Variants in WDCP observed in about 807,000 individuals in gnomAD.
WDCP encodes the protein WD repeat and coiled-coil-containing protein.
A neutral mutation model predicts 41.6 loss-of-function variants in WDCP; 19 were observed. The ratio of observed to expected loss-of-function variants is 0.46; its 90% CI spans 0.32 to 0.67. The LOEUF (loss-of-function observed/expected upper bound fraction) is 0.67, where lower values mean the gene tolerates loss of function less well. WDCP is among the 30% of genes least tolerant of loss of function. WDCP has a pLI of 0.04. For synonymous variants in WDCP, 302 were observed against 320.8 expected (o/e 0.94, Z 0.63); for missense variants, 802 against 850.7 (o/e 0.94, Z 0.71).
chr2:24,031,825 CAA>C (rs545558415), intron 3 of WDCP, among the ~76,000 whole-genome samples: 8 of 115,476 alleles, frequency 6.9e-5, no homozygotes, highest in Admixed American at 9.0e-5. Context: ...GACTCGGTCT[CAA>C]AAAAAAAAAA....
chr2:24,043,009 G>C (rs1663498262), intron 1 of WDCP, among the ~76,000 whole-genome samples: 1 of 147,996 alleles, frequency 6.8e-6, no homozygotes, highest in African/African-American at 2.5e-5. Context: ...CTCCAGCCTG[G>C]GCAAAAAGAG....
intron 2 of WDCP, among the ~76,000 whole-genome samples, chr2:24,036,095 A>AATAAATAAATAG (rs1663246648): frequency 6.7e-6 from 1 of 150,084 alleles, no homozygotes; most frequent in Non-Finnish European, 1.5e-5. Context: ...TAAATAAATA[A>AATAAATAAATAG]ATAAATAAAT....
chr2:24,044,725 T>C (rs1238157973), intron 1 of WDCP, among the ~76,000 whole-genome samples: 1 of 151,876 alleles, frequency 6.6e-6, no homozygotes, highest in Non-Finnish European at 1.5e-5. Context: ...TCTCCCTTTT[T>C]ATTAGGGTAA....
At chr2:24,045,147 AAAG>A (rs1287148291) in intron 1 of WDCP, among the ~76,000 whole-genome samples, 1 of 152,218 alleles carries the variant, frequency 6.6e-6, no homozygotes. Context: ...TTCAGTAGAG[AAAG>A]AAGGCCATAT....
chr2:24,045,600 CAAAAAAAAA>C (rs869243363), intron 1 of WDCP, among the ~76,000 whole-genome samples: 4 of 64,412 alleles, frequency 6.2e-5, no homozygotes, highest in African/African-American at 2.5e-4. Context: ...GACTCCATCT[CAAAAAAAAA>C]AAAAAAAAAA....
At chr2:24,044,310 C>G (rs1032856511) in intron 1 of WDCP, among the ~76,000 whole-genome samples, 2 of 151,996 alleles carry the variant, frequency 1.3e-5, no homozygotes, top group African/African-American at 4.8e-5. Flanking sequence ...TGCTCCGTTA[C>G]CCAGGCTGGA....
intron 1 of WDCP, among the ~76,000 whole-genome samples, chr2:24,042,723 T>A (rs1663486656): frequency 2.4e-5 from 3 of 122,452 alleles, no homozygotes; most frequent in African/African-American, 6.5e-5. Flanking sequence ...AAAAAAAAAA[T>A]TTAGTATAAA....
chr2:24,031,223 T>C, intron 3 of WDCP, 61 bp from the exon 4 acceptor site: 2 of 1,293,180 alleles, frequency 1.5e-6, no homozygotes, highest in Non-Finnish European at 2.2e-6. Flanking sequence ...ATGAAACATA[T>C]GACTACAAAT....
At chr2:24,039,768 A>G (rs1286698612) in intron 1 of WDCP, among the ~76,000 whole-genome samples, 2 of 152,120 alleles carry the variant, frequency 1.3e-5, no homozygotes, top group Admixed American at 6.6e-5. Context: ...TATGGAATGG[A>G]TATCAGAAAA....
chr2:24,037,708 TGAGA>T lies in WDCP; in HGVS notation c.1783_1786del (p.Ser595LysfsTer16). 1 of 1,613,632 alleles carries T rather than the reference TGAGA, an allele frequency of 6.2e-7. No homozygotes were observed. Among genetic ancestry groups the T allele is most frequent in the South Asian group, 1.1e-5 (1 of 91,034 alleles). On this transcript the variant is annotated frameshift_variant, in exon 2 of 4. Coordinates refer to ENST00000295148, the MANE Select transcript of WDCP (RefSeq NM_025203.3). LOFTEE classifies it high-confidence loss of function. ...AATGATGTGAACATAAGGAAGATCT[TGAGA>T]GAGTGGATACACTGAAGAGGATTTC...
intron 1 of WDCP, among the ~76,000 whole-genome samples, chr2:24,042,535 CA>C (rs35044474): frequency 0.055 from 3,402 of 61,568 alleles, 49 homozygotes; most frequent in Middle Eastern, 0.1. Context: ...TACTCCGTCT[CA>C]AAAAAAAAAA....
At position 24,037,876 on chromosome 2, in the gene WDCP, G is replaced by C. The variant is rs1424859817; in HGVS notation, c.1619C>G (p.Pro540Arg). The C allele has an allele frequency of 6.2e-7, 1 of 1,614,038 alleles. No individual in the cohort carries two copies. Among genetic ancestry groups the C allele is most frequent in the African/African-American group, 1.3e-5 (1 of 74,900 alleles). The change falls in exon 2 of 4, where the codon CCT becomes CGT. Residue 540 changes from proline (P) to arginine (R), a missense_variant. Pro to Arg is a moderately radical substitution (Grantham distance 103, BLOSUM62 -2). Around this residue, in one of 5 missense-constraint regions of WDCP, gnomAD observed 321 missense variants for 305.1 expected, o/e 1.05. Transcript: ENST00000295148. ...TPDHTSTLEP[P>R]RLPQRKNLQS... ...TAAGTTCTTTCTTTGAGGCAAACGA[G>C]GAGGCTCCAGTGTGCTGGTGTGGTC... is the stretch of plus-strand genomic sequence containing the variant.
chr2:24,045,631 G>A (rs1344107505), intron 1 of WDCP, among the ~76,000 whole-genome samples: 1 of 106,136 alleles, frequency 9.4e-6, no homozygotes, highest in Admixed American at 9.3e-5. Context: ...GAGAGAGAGA[G>A]AGGAAGGAAG....
At position 24,032,878 on chromosome 2, in the gene WDCP, G is replaced by A. The variant is rs1663137334; in HGVS notation, c.1887C>T (p.Leu629=). Residue 629 remains leucine, a synonymous_variant, in exon 3 of 4, where the codon CTC becomes CTT. Transcript: ENST00000295148. ...GGCCAAAAGTCTGCTGAACTGTACT[G>A]AGCCTTAGTTTACCATCACAGAGAA... is the stretch of plus-strand genomic sequence containing the variant. ...AVLLCDGKLR[L]STVQQTFGLS... is the part of the protein sequence containing the mutation. The A allele has an allele frequency of 1.2e-6, 2 of 1,613,854 alleles. No homozygotes were observed. The highest frequency in any genetic ancestry group is 1.7e-6 in the Non-Finnish European group (2 of 1,179,800).
At chr2:24,033,640 C>T (rs1663161771) in intron 2 of WDCP, among the ~76,000 whole-genome samples, 1 of 151,936 alleles carries the variant, frequency 6.6e-6, no homozygotes, top group South Asian at 2.1e-4. Context: ...ACTCGGGAGG[C>T]TGAGGTAGGA....
chr2:24,046,541 T>G (rs1487710664), intron 1 of WDCP, among the ~76,000 whole-genome samples: 1 of 152,218 alleles, frequency 6.6e-6, no homozygotes, highest in African/African-American at 2.4e-5. Flanking sequence ...AACCATTTAA[T>G]TCTGTTTTTC....
chr2:24,039,638 G>C (rs1021595874), intron 1 of WDCP, 126 bp from the exon 2 acceptor site: 13 of 750,234 alleles, frequency 1.7e-5, no homozygotes, highest in Non-Finnish European at 2.7e-5. Context: ...AAAGGACAGG[G>C]GGAGTATTAT....
chr2:24,041,676 A>C (rs903920085), intron 1 of WDCP, among the ~76,000 whole-genome samples: 8 of 151,576 alleles, frequency 5.3e-5, no homozygotes, highest in African/African-American at 1.9e-4. Context: ...AACATGGTGA[A>C]ACCCCATCTC....
At chr2:24,044,609 C>A (rs571424398) in intron 1 of WDCP, among the ~76,000 whole-genome samples, 13 of 152,176 alleles carry the variant, frequency 8.5e-5, no homozygotes, top group Non-Finnish European at 1.3e-4. Context: ...ATATTGTCAT[C>A]TTCGGTAACA....
Sources: gnomAD v4.1 joint callset for allele counts (sites outside exome capture counted in the v4.1 genomes callset) on GRCh38, gnomAD v4.1.1 for gene constraint, gnomAD v4.1.1 regional missense constraint, MANE v1.5 for transcripts, NCBI Gene and HGNC (gene_info 2026-07-23, HGNC 2026-07-21) for gene names.